RPL8: variants seen among roughly 807,000 people sequenced by gnomAD.
RPL8 encodes ribosomal protein L8.
For missense variants in RPL8, 248 were observed against 365.9 expected (o/e 0.68, Z 2.63); for synonymous variants, 182 against 143.2 (o/e 1.27, Z -1.94).
intron 4 of RPL8, 21 bp downstream of exon 4, chr8:144,790,334 C>T (rs1043959492): frequency 9.4e-6 from 15 of 1,598,310 alleles, no homozygotes; most frequent in African/African-American, 1.3e-5. Flanking sequence ...ATACCCAACC[C>T]TGCATTTCTG....
In RPL8 at chr8:144,791,466, C is replaced by G. The variant is rs770494770; in HGVS notation, c.310G>C (p.Val104Leu). ...ATTGTACCCTCAGGCATGGTGCCCA[C>G]AGGGAGCACATTGCCAATGTTGAGC... ...AQLNIGNVLP[V>L]GTMPEGTIVC... Residue 104 changes from valine to leucine, a missense_variant, in exon 3 of 5, where the codon GTG (valine) becomes CTG (leucine). Val to Leu is a conservative substitution (Grantham distance 32). Transcript: ENST00000528957. 2 of 1,613,892 alleles carry G rather than the reference C, an allele frequency of 1.2e-6. No individual in the cohort carries two copies. The highest frequency in any genetic ancestry group is 1.7e-6 in the Non-Finnish European group (2 of 1,180,016).
chr8:144,790,657 C>G, intron 3 of RPL8, 187 bp from the exon 4 acceptor site: 1 of 691,308 alleles, frequency 1.4e-6, no homozygotes, highest in Admixed American at 2.0e-5. Flanking sequence ...CCACAATGGG[C>G]AGGCAAGCCA....
chr8:144,791,483 A>G lies in RPL8; in HGVS notation c.293T>C (p.Ile98Thr). Residue 98 changes from isoleucine to threonine, a missense_variant, in exon 3 of 5, where the codon ATT (isoleucine) becomes ACT (threonine). Ile to Thr is a moderately conservative substitution (Grantham distance 89, BLOSUM62 -1). Transcript: ENST00000528957. ...VYCGKKAQLNIGNVLPVGTMP... is the reference protein window; with the variant it reads ...VYCGKKAQLNTGNVLPVGTMP... ...GGTGCCCACAGGGAGCACATTGCCA[A>G]TGTTGAGCTGGGCTGCAAGGGGAAG... 2 of 1,613,700 alleles carry G rather than the reference A, an allele frequency of 1.2e-6. No homozygotes were observed. The highest frequency in any genetic ancestry group is 1.7e-6 in the Non-Finnish European group (2 of 1,179,984).
chr8:144,790,109 C>A, intron 4 of RPL8, 147 bp from the exon 5 acceptor site: 1 of 1,050,432 alleles, frequency 9.5e-7, no homozygotes, highest in Non-Finnish European at 1.4e-6. Context: ...CTGACTCTTT[C>A]CAGCTCAGGC....
rs750396953 is a variant in RPL8 at position 144,792,021 on chromosome 8, G to A, written c.109C>T (p.Arg37Trp). 7 of 1,609,018 alleles carry A rather than the reference G, an allele frequency of 4.4e-6. No homozygotes were observed. The highest frequency in any genetic ancestry group is 1.1e-5 in the South Asian group (1 of 90,770). The change falls in exon 1 of 5, where the codon CGG becomes TGG. Residue 37 changes from arginine (R) to tryptophan (W), a missense_variant. Physicochemically the swap from Arg to Trp is moderately radical, Grantham distance 101 (BLOSUM62 -3). Transcript: ENST00000528957. ...ACGATGCCCTTGATGTAGCCGTGCC[G>A]CTCAGCGAAATCCACGGCGCGCAGG... The part of the protein sequence containing the change: ...ARLRAVDFAE[R>W]HGYIKGIVKD...
chr8:144,792,056 C>A lies in RPL8; in HGVS notation c.74G>T (p.Gly25Val). 1.9e-6 allele frequency: 3 copies of A among 1,608,292 alleles called. No individual in the cohort carries two copies. Among genetic ancestry groups the A allele is most frequent in the East Asian group, 4.5e-5 (2 of 44,768 alleles). Residue 25 changes from glycine to valine, a missense_variant, in exon 1 of 5, where the codon GGC becomes GTC. Physicochemically the swap from Gly to Val is moderately radical, Grantham distance 109 (BLOSUM62 -3). Coordinates refer to ENST00000528957, the MANE Select transcript of RPL8 (RefSeq NM_001317782.2). ...VFRAHVKHRK[G>V]AARLRAVDFA... Reference sequence around the variant, plus strand: ...ATCCACGGCGCGCAGGCGCGCAGCGCCTTTACGGTGCTTCACGTGCGCGCG... The same window carrying A: ...ATCCACGGCGCGCAGGCGCGCAGCGACTTTACGGTGCTTCACGTGCGCGCG...
rs759503749 is a variant in RPL8, at chr8:144,789,801, G to A, written c.*3C>T. 8.1e-6 allele frequency: 13 copies of A among 1,613,418 alleles called. No individual in the cohort carries two copies. The African/African-American group carries it at 1.2e-4, about 15-fold the overall frequency. On this transcript the variant is annotated 3_prime_UTR_variant, in exon 5 of 5. Transcript: ENST00000528957. The stretch of plus-strand genomic sequence containing the variant: ...AACACAAACTTTATTGAGGCCCTCA[G>A]CACTAGTTCTCTTTCTCCTGCACAG...
rs1826438318 is a variant in RPL8 at position 144,789,972 on chromosome 8, G to A, written c.616-10C>T. 1.2e-6 allele frequency: 2 copies of A among 1,601,130 alleles called. No homozygotes were observed. Among genetic ancestry groups the A allele is most frequent in the Admixed American group, 3.4e-5 (2 of 58,436 alleles). ...AAGGATGCTCCACAGGCTGCAGGCAGAGAAAGATGGCTTTAGAAACCTCTT... is the reference window on the plus strand; with the variant it reads ...AAGGATGCTCCACAGGCTGCAGGCAAAGAAAGATGGCTTTAGAAACCTCTT... On this transcript the variant is annotated splice_polypyrimidine_tract_variant and intron_variant, in intron 4 of 4. Transcript: ENST00000528957.
Position 144,792,315 on chromosome 8 carries a change from G to C in RPL8, c.-186C>G. The C allele has an allele frequency of 1.1e-6, 1 of 916,206 alleles. No individual in the cohort carries two copies. The highest frequency in any genetic ancestry group is 1.5e-6 in the Non-Finnish European group (1 of 674,688). 56.8% of individuals were successfully genotyped at this position (916,206 alleles called of 1,614,324 possible). ...CCGGGTCTCAGCGCGCCTCACGGAA[G>C]AGGATGGCGGCGGATACTGCCCATG... On this transcript the variant is annotated 5_prime_UTR_variant, in exon 1 of 5. Transcript: ENST00000528957.
At chr8:144,791,107 G>T in intron 3 of RPL8, 170 bp downstream of exon 3, 1 of 647,262 alleles carries the variant, frequency 1.5e-6, no homozygotes, top group Admixed American at 2.5e-5. Context: ...TGTGCCTGTT[G>T]TACAGTGATG....
chr8:144,792,252 G>C lies in RPL8; in HGVS notation c.-123C>G. 1 of 1,310,520 alleles carries C rather than the reference G, an allele frequency of 7.6e-7. No homozygotes were observed. Among genetic ancestry groups the C allele is most frequent in the Non-Finnish European group, 9.8e-7 (1 of 1,020,190 alleles). 81.2% of individuals were successfully genotyped at this position (1,310,520 alleles called of 1,614,324 possible). A position where few individuals can be genotyped will look rare whatever the true frequency, so the allele number is the denominator to read the frequency against. ...GCGCCCACCACTCCCTACCCTCTCC[G>C]CGGGCGCCCGCACCGGCATCCTCTC... On this transcript the variant is annotated 5_prime_UTR_variant, in exon 1 of 5. Coordinates refer to ENST00000528957, the MANE Select transcript of RPL8 (RefSeq NM_001317782.2).
At chr8:144,790,238 C>T in intron 4 of RPL8, 117 bp downstream of exon 4, 1 of 879,976 alleles carries the variant, frequency 1.1e-6, no homozygotes. Context: ...CCACCACCTG[C>T]TGCTCCTCCC....
At position 144,790,005 on chromosome 8, in the gene RPL8, A is replaced by T. The variant is rs752260185; in HGVS notation, c.616-43T>A. 13 of 1,554,436 alleles carry T rather than the reference A, an allele frequency of 8.4e-6. No individual in the cohort carries two copies. In the South Asian group the frequency reaches 1.5e-4, roughly 18 times the overall value. On this transcript the variant is annotated intron_variant, in intron 4 of 4. Transcript: ENST00000528957. ...TGGCTTTAGAAACCTCTTCCCCACC[A>T]CCCCCGCCCCCGGCCTCGGGGTCCC...
chr8:144,789,981 G>A lies in RPL8; in HGVS notation c.616-19C>T, dbSNP rs766697632. 1.5e-5 allele frequency: 24 copies of A among 1,595,176 alleles called. No homozygotes were observed. Among genetic ancestry groups the A allele is most frequent in the Non-Finnish European group, 2.0e-5 (23 of 1,170,880 alleles). ...CCACAGGCTGCAGGCAGAGAAAGAT[G>A]GCTTTAGAAACCTCTTCCCCACCAC... On this transcript the variant is annotated intron_variant, in intron 4 of 4. Coordinates refer to ENST00000528957, the MANE Select transcript of RPL8 (RefSeq NM_001317782.2).
Position 144,791,442 on chromosome 8 carries a change from T to C in RPL8, c.334A>G (p.Ile112Val), listed in dbSNP as rs748424402. 17 of 1,613,810 alleles carry C rather than the reference T, an allele frequency of 1.1e-5. No homozygotes were observed. Among genetic ancestry groups the C allele is most frequent in the South Asian group, 5.5e-5 (5 of 91,082 alleles). The stretch of plus-strand genomic sequence containing the variant: ...GGCTTCTCCTCCAGGCAGCACACGA[T>C]TGTACCCTCAGGCATGGTGCCCACA... ...LPVGTMPEGT[I>V]VCCLEEKPGD... Residue 112 changes from isoleucine (I) to valine (V), a missense_variant, in exon 3 of 5, where the codon ATC becomes GTC. By Grantham distance (29) the Ile-to-Val change is conservative. Coordinates refer to ENST00000528957, the MANE Select transcript of RPL8 (RefSeq NM_001317782.2).
Position 144,792,050 on chromosome 8 carries a change from G to C in RPL8, c.80C>G (p.Ala27Gly). 2.5e-6 allele frequency: 4 copies of C among 1,608,852 alleles called. No homozygotes were observed. Among genetic ancestry groups the C allele is most frequent in the Admixed American group, 3.4e-5 (2 of 59,410 alleles). Residue 27 changes from alanine to glycine, a missense_variant, in exon 1 of 5, where the codon GCG becomes GGG. By Grantham distance (60) the Ala-to-Gly change is moderately conservative. Transcript: ENST00000528957. ...RAHVKHRKGA[A>G]RLRAVDFAER... ...AGCGAAATCCACGGCGCGCAGGCGC[G>C]CAGCGCCTTTACGGTGCTTCACGTG...
At chr8:144,791,111 A>G (rs964253423) in intron 3 of RPL8, 166 bp downstream of exon 3, 19 of 651,852 alleles carry the variant, frequency 2.9e-5, no homozygotes, top group South Asian at 1.8e-5. Flanking sequence ...CCTGTTGTAC[A>G]GTGATGACAA....
chr8:144,790,293 C>T, intron 4 of RPL8, 62 bp downstream of exon 4: 1 of 1,396,070 alleles, frequency 7.2e-7, no homozygotes, highest in Non-Finnish European at 1.0e-6. Context: ...ATGGGACTTG[C>T]CTACCCAACA....
chr8:144,789,792 A>C lies in RPL8; in HGVS notation c.*12T>G. 5.6e-6 allele frequency: 9 copies of C among 1,613,422 alleles called. No individual in the cohort carries two copies. The highest frequency in any genetic ancestry group is 1.3e-5 in the African/African-American group (1 of 75,020). On this transcript the variant is annotated 3_prime_UTR_variant, in exon 5 of 5. Transcript: ENST00000528957. Reference sequence around the variant, plus strand: ...GGTGGCATAAACACAAACTTTATTGAGGCCCTCAGCACTAGTTCTCTTTCT... The same window carrying C: ...GGTGGCATAAACACAAACTTTATTGCGGCCCTCAGCACTAGTTCTCTTTCT...
Sources: gnomAD v4.1 joint callset for allele counts on GRCh38, gnomAD v4.1.1 for gene constraint, MANE v1.5 for transcripts, NCBI Gene and HGNC (gene_info 2026-07-23, HGNC 2026-07-21) for gene names.